CTCFL: variants seen among roughly 807,000 people sequenced by gnomAD.
CTCFL encodes the protein transcriptional repressor CTCFL.
A neutral mutation model predicts 67.4 loss-of-function variants in CTCFL; 36 were observed. The observed-to-expected ratio is 0.53, with a 90% CI of 0.41 to 0.71. The LOEUF (loss-of-function observed/expected upper bound fraction) is 0.71, where lower values mean the gene tolerates loss of function less well. Among genes scored for constraint, CTCFL ranks in the 30% least tolerant of loss-of-function variants. The probability of loss-of-function intolerance (pLI) is 0.00; values close to 1 mark genes in which losing one functional copy is unlikely to be tolerated. For missense variants in CTCFL, 786 were observed against 835.2 expected, an observed-to-expected ratio of 0.94 and a Z score of 0.73; for synonymous variants, 324 against 302.3, an observed-to-expected ratio of 1.07 and a Z score of -0.75.
intron 6 of CTCFL, 116 bp downstream of exon 6, chr20:57,515,598 C>A (rs964000031): frequency 2.3e-6 from 3 of 1,319,964 alleles, no homozygotes; most frequent in South Asian, 1.2e-5. Flanking sequence ...CATGAAGGCA[C>A]GCAAAAATCC....
intron 3 of CTCFL, among the ~76,000 whole-genome samples, chr20:57,521,914 G>A (rs2069395965): frequency 6.6e-6 from 1 of 152,190 alleles, no homozygotes; most frequent in African/African-American, 2.4e-5. Context: ...TGGTAGCCAG[G>A]GGCTAGGAGG....
At position 57,518,881 on chromosome 20, in the gene CTCFL, G is replaced by A; in HGVS notation, c.936C>T (p.Pro312=). 6.2e-7 allele frequency: 1 copy of A among 1,612,374 alleles called. No homozygotes were observed. The highest frequency in any genetic ancestry group is 8.5e-7 in the Non-Finnish European group (1 of 1,178,734). The change falls in exon 5 of 11, where the codon CCC becomes CCT. Residue 312 remains proline (P), a synonymous_variant. Coordinates refer to ENST00000243914, the MANE Select transcript of CTCFL (RefSeq NM_001386993.1). The part of the protein sequence containing the change: ...NHVNTHTGTR[P]YKCNDCNMAF... Reference sequence around the variant, plus strand: ...CCATGTTGCAGTCGTTACACTTGTAGGGCCTGGTTCCTGTAAAATCACATA... The same window carrying A: ...CCATGTTGCAGTCGTTACACTTGTAAGGCCTGGTTCCTGTAAAATCACATA...
rs749178536 is a variant in CTCFL, at chr20:57,519,357, A to T, written c.775T>A (p.Cys259Ser). ...KTKGAKGTFHCDVCMFTSSRM... is the reference protein window; with the variant it reads ...KTKGAKGTFHSDVCMFTSSRM... ...GAAGAGGTGAACATGCAGACATCAC[A>T]GTGGAAGGTTCCTTTTGCTCCTATA... The change falls in exon 4 of 11, where the codon TGT becomes AGT. Residue 259 changes from cysteine (C) to serine (S), a missense_variant. Physicochemically the swap from Cys to Ser is moderately radical, Grantham distance 112 (BLOSUM62 -1). This residue lies in a region of CTCFL where 333 missense variants were observed against 304.6 expected (regional missense o/e 1.09). Coordinates refer to ENST00000243914, the MANE Select transcript of CTCFL (RefSeq NM_001386993.1). 19 of 1,613,970 alleles carry T rather than the reference A, an allele frequency of 1.2e-5. No homozygotes were observed. Among genetic ancestry groups the T allele is most frequent in the Non-Finnish European group, 1.7e-6 (2 of 1,179,984 alleles).
chr20:57,504,283 C>T (rs2068078506), intron 9 of CTCFL, among the ~76,000 whole-genome samples: 2 of 141,506 alleles, frequency 1.4e-5, no homozygotes, highest in African/African-American at 5.3e-5. Context: ...CCCCCCGTCT[C>T]CTTTTTTTTT....
In CTCFL at chr20:57,521,245, C is replaced by T. The variant is rs2069335832; in HGVS notation, c.754+1823G>A. 2.0e-5 allele frequency among the ~76,000 whole-genome samples: 3 copies of T among 152,176 alleles called. No homozygotes were observed. In the South Asian group the frequency reaches 6.2e-4, roughly 32 times the overall value. ...TAACACAGTGCCAGTTAAAAATGGG[C>T]CAAAGATTTGAATAGCCATTTTTTC... On this transcript the variant is annotated intron_variant, in intron 3 of 10. Coordinates refer to ENST00000243914, the MANE Select transcript of CTCFL (RefSeq NM_001386993.1).
In CTCFL at chr20:57,513,888, G is replaced by A. The variant is rs771867707; in HGVS notation, c.1330+704C>T. On this transcript the variant is annotated intron_variant, in intron 7 of 10. Transcript: ENST00000243914. ...CCCAGGAATCCTGAAACAAAGAAGA[G>A]GCTCGTTCACTCACGCTTCCCACAC... 3.1e-6 allele frequency: 4 copies of A among 1,288,952 alleles called. No homozygotes were observed. In the South Asian group the frequency reaches 4.9e-5, roughly 16 times the overall value. The allele number at this position is 1,288,952 out of a possible 1,614,324, so 79.8% of individuals were successfully genotyped here. A position where few individuals can be genotyped will look rare whatever the true frequency, so the allele number is the denominator to read the frequency against.
Position 57,499,078 on chromosome 20 carries a change from G to GGGGT in CTCFL, c.1841-378_1841-377insACCC, listed in dbSNP as rs1472740181. Among the ~76,000 whole-genome samples the GGGGT allele has an allele frequency of 2.4e-5, 3 of 122,714 alleles. No homozygotes were observed. The South Asian group carries it at 1.2e-3, about 48-fold the overall frequency. The allele number at this position is 122,714 out of a possible 152,430, so 80.5% of individuals were successfully genotyped here. A position where few individuals can be genotyped will look rare whatever the true frequency, so the allele number is the denominator to read the frequency against. On this transcript the variant is annotated intron_variant, in intron 10 of 10. Transcript: ENST00000243914. Reference sequence around the variant, plus strand: ...CCAGTGTCCCCTGAAGGTGACGGGGGGGGGGTGGGGGGGGGACACAGTCAT... The same window carrying GGGGT: ...CCAGTGTCCCCTGAAGGTGACGGGGGGGGTGGGGGTGGGGGGGGGACACAGTCAT...
At chr20:57,506,152 C>T (rs985268413) in intron 9 of CTCFL, among the ~76,000 whole-genome samples, 1 of 152,224 alleles carries the variant, frequency 6.6e-6, no homozygotes. Flanking sequence ...TTCATTTACA[C>T]ACTGCATCCA....
chr20:57,498,084 A>T lies in CTCFL; in HGVS notation c.*466T>A, dbSNP rs2146266650. On this transcript the variant is annotated 3_prime_UTR_variant, in exon 11 of 11. Transcript: ENST00000243914. Reference sequence around the variant, plus strand: ...ATGTTTAAAACCATATATTATTAGAAATATCATGGGTGTATATAATGCAAC... The same window carrying T: ...ATGTTTAAAACCATATATTATTAGATATATCATGGGTGTATATAATGCAAC... 1 of 916,508 alleles carries T rather than the reference A, an allele frequency of 1.1e-6. No individual in the cohort carries two copies. Among genetic ancestry groups the T allele is most frequent in the East Asian group, 1.2e-4 (1 of 8,490 alleles). The allele number at this position is 916,508 out of a possible 1,614,324, so 56.8% of individuals were successfully genotyped here. A position where few individuals can be genotyped will look rare whatever the true frequency, so the allele number is the denominator to read the frequency against.
At chr20:57,505,564 T>C (rs1372772070) in intron 9 of CTCFL, among the ~76,000 whole-genome samples, 5 of 152,248 alleles carry the variant, frequency 3.3e-5, no homozygotes, top group Non-Finnish European at 5.9e-5. Context: ...CCTTAAAATT[T>C]ATTTTTCTAG....
At chr20:57,496,494 G>A (rs1006148272), downstream of CTCFL, 18 of 438,024 alleles carry the variant, frequency 4.1e-5, no homozygotes, top group East Asian at 3.4e-5. Flanking sequence ...ATGGTTCAGT[G>A]GAATGATTAG....
chr20:57,497,762 AG>A lies in CTCFL; in HGVS notation c.*787del. 1.0e-6 allele frequency: 1 copy of A among 984,630 alleles called. No homozygotes were observed. Among genetic ancestry groups the A allele is most frequent in the Non-Finnish European group, 1.2e-6 (1 of 829,212 alleles). The allele number at this position is 984,630 out of a possible 1,614,324, so 61.0% of individuals were successfully genotyped here. A position where few individuals can be genotyped will look rare whatever the true frequency, so the allele number is the denominator to read the frequency against. On this transcript the variant is annotated 3_prime_UTR_variant, in exon 11 of 11. Transcript: ENST00000243914. ...AAAAAGAGTAGTTTTAGCAGAAAAAAGGGTTATGGAGTGAAATACTAATAAG... is the reference window on the plus strand; with the variant it reads ...AAAAAGAGTAGTTTTAGCAGAAAAAAGGTTATGGAGTGAAATACTAATAAG...
intron 6 of CTCFL, 102 bp from the exon 7 acceptor site, chr20:57,514,843 T>A: frequency 8.0e-7 from 1 of 1,254,332 alleles, no homozygotes; most frequent in South Asian, 1.5e-5. Context: ...GCCTCCTTTA[T>A]CAACCCCCTT....
rs1362722638 is a variant in CTCFL at position 57,497,902 on chromosome 20, TC to T, written c.*647del. The T allele has an allele frequency of 1.0e-6, 1 of 958,752 alleles. No homozygotes were observed. Among genetic ancestry groups the T allele is most frequent in the Non-Finnish European group, 1.2e-6 (1 of 805,836 alleles). 59.4% of individuals were successfully genotyped at this position (958,752 alleles called of 1,614,324 possible). ...CTATACCAAAGTAAAATCGATTTAT[TC>T]CTTATTTTCTAGTCTAATCTAGTAT... On this transcript the variant is annotated 3_prime_UTR_variant, in exon 11 of 11. Transcript: ENST00000243914.
intron 5 of CTCFL, among the ~76,000 whole-genome samples, chr20:57,518,332 G>A (rs776390020): frequency 6.6e-6 from 1 of 152,196 alleles, no homozygotes; most frequent in Non-Finnish European, 1.5e-5. Flanking sequence ...AAACAGAAAC[G>A]TCTACGCTTA....
At chr20:57,514,969 T>C (rs2068812352) in intron 6 of CTCFL, 6 of 551,128 alleles carry the variant, frequency 1.1e-5, no homozygotes, top group Middle Eastern at 5.4e-4. Context: ...ATCTGGTGGC[T>C]ACGCAAGAGT....
Position 57,498,667 on chromosome 20 carries a change from T to C in CTCFL, c.1875A>G (p.Gly625=), listed in dbSNP as rs1444419543. The C allele has an allele frequency of 1.2e-6, 2 of 1,614,040 alleles. No individual in the cohort carries two copies. The highest frequency in any genetic ancestry group is 2.7e-5 in the African/African-American group (2 of 75,038). The part of the protein sequence containing the change: ...AAAEEASTTK[G]EQFPGEMFPV... ...GAAACATCTCTCCTGGGAACTGTTC[T>C]CCCTTCGTGGTGGAAGCCTCCTCAG... Residue 625 remains glycine, a synonymous_variant, in exon 11 of 11, where the codon GGA becomes GGG. Coordinates refer to ENST00000243914, the MANE Select transcript of CTCFL (RefSeq NM_001386993.1).
intron 5 of CTCFL, chr20:57,518,482 AC>A (rs1261804087): frequency 2.2e-6 from 3 of 1,386,234 alleles, no homozygotes. Context: ...GAACTTTTAA[AC>A]AAATCTGGGA....
At chr20:57,512,880 A>T in intron 7 of CTCFL, 128 bp from the exon 8 acceptor site, 15 of 796,164 alleles carry the variant, frequency 1.9e-5, no homozygotes, top group Non-Finnish European at 2.8e-5. Context: ...TGGGCAGGGC[A>T]GGGTGGGCTA....
Sources: allele counts gnomAD v4.1 joint callset (sites outside exome capture counted in the v4.1 genomes callset), GRCh38; gene constraint gnomAD v4.1.1; regional missense constraint gnomAD v4.1.1; transcripts MANE v1.5; gene names NCBI Gene and HGNC (gene_info 2026-07-23, HGNC 2026-07-21).